The following TMPRSS6 variants were observed in gnomAD, a reference collection of about 807,000 sequenced individuals.
The protein encoded by TMPRSS6 is transmembrane protease serine 6.
TMPRSS6 carries 67 observed loss-of-function variants against 101.5 expected under a neutral mutation model. The observed-to-expected ratio is 0.66, with a 90% CI of 0.54 to 0.81. The LOEUF (loss-of-function observed/expected upper bound fraction) is 0.81. TMPRSS6 is among the 30% of genes least tolerant of loss of function. TMPRSS6 has a pLI of 0.00. For missense variants in TMPRSS6, 1,034 were observed against 1,088.7 expected, an observed-to-expected ratio of 0.95 and a Z score of 0.71; for synonymous variants, 453 against 464.9, an observed-to-expected ratio of 0.97 and a Z score of 0.33.
rs577130562 is a variant in TMPRSS6 at position 37,107,639 on chromosome 22, G to A, written c.-2+1864C>T. Among the ~76,000 whole-genome samples, 20 of 152,028 alleles carry A rather than the reference G, an allele frequency of 1.3e-4. No individual in the cohort carries two copies. In the East Asian group the frequency reaches 1.6e-3, roughly 12 times the overall value. ...TGTGCCCTGCCCACAAGCCTCGCAC[G>A]GCTTCCATCCACCTAGAACACAGTC... is the stretch of plus-strand genomic sequence containing the variant. On this transcript the variant is annotated intron_variant, in intron 1 of 17. Coordinates refer to ENST00000676104, the MANE Select transcript of TMPRSS6 (RefSeq NM_001374504.1).
chr22:37,104,850 A>G (rs1930611306), intron 1 of TMPRSS6, among the ~76,000 whole-genome samples: 1 of 151,762 alleles, frequency 6.6e-6, no homozygotes, highest in African/African-American at 2.4e-5. Context: ...AATCCCAGCT[A>G]CTCGGGAGGC....
At chr22:37,097,417 G>A (rs1026216222) in intron 3 of TMPRSS6, among the ~76,000 whole-genome samples, 1 of 152,236 alleles carries the variant, frequency 6.6e-6, no homozygotes, top group Non-Finnish European at 1.5e-5. Context: ...GAGCTCAGCC[G>A]AATAGGGCAT....
Position 37,069,099 on chromosome 22 carries a change from G to A in TMPRSS6, c.2087C>T (p.Thr696Met), listed in dbSNP as rs1176017770. 3.2e-6 allele frequency: 5 copies of A among 1,552,082 alleles called. No individual in the cohort carries two copies. In the Admixed American group the frequency reaches 5.7e-5, roughly 18 times the overall value. Residue 696 changes from threonine to methionine, a missense_variant, in exon 16 of 18, where the codon ACG (threonine) becomes ATG (methionine). Thr to Met is a moderately conservative substitution (Grantham distance 81). Coordinates refer to ENST00000676104, the MANE Select transcript of TMPRSS6 (RefSeq NM_001374504.1). This position sits in a 1 kb window ranked among gnomAD's most constrained non-coding sequence, Gnocchi z 4.8. ...FFEPGLHCWI[T>M]GWGALREGGP... ...GCCCTCGCGCAAGGCGCCCCAGCCC[G>A]TAATCCAGCAGTGCAGGCCGGGCTC...
chr22:37,083,562 G>C (rs1003055116), intron 10 of TMPRSS6, among the ~76,000 whole-genome samples: 26 of 152,246 alleles, frequency 1.7e-4, no homozygotes, highest in African/African-American at 6.0e-4. Flanking sequence ...CTGCCTCCTT[G>C]CCCAGCCCAG....
rs1601548452 is a variant in TMPRSS6, at chr22:37,086,362, G to C, written c.894C>G (p.Ile298Met). Residue 298 changes from isoleucine to methionine, a missense_variant, in exon 8 of 18, where the codon ATC becomes ATG. Coordinates refer to ENST00000676104, the MANE Select transcript of TMPRSS6 (RefSeq NM_001374504.1). ...GGCCCTTCTTCCAGACGACCGCCATGATGGCCCCCGACGCCAGAACCTCCA... is the reference window on the plus strand; with the variant it reads ...GGCCCTTCTTCCAGACGACCGCCATCATGGCCCCCGACGCCAGAACCTCCA... ...PVVEVLASGA[I>M]MAVVWKKGLH... is the part of the protein sequence containing the mutation. 6 of 1,612,358 alleles carry C rather than the reference G, an allele frequency of 3.7e-6. No individual in the cohort carries two copies. Among genetic ancestry groups the C allele is most frequent in the East Asian group, 4.5e-5 (2 of 44,826 alleles).
intron 10 of TMPRSS6, among the ~76,000 whole-genome samples, chr22:37,076,971 G>A (rs938593672): frequency 6.6e-6 from 1 of 152,222 alleles, no homozygotes. Flanking sequence ...CAAGGGCCAG[G>A]CACTTCCCCA....
At chr22:37,068,672 G>A (rs1926561137) in intron 16 of TMPRSS6, 2 of 779,580 alleles carry the variant, frequency 2.6e-6, no homozygotes, top group South Asian at 1.3e-5. Context: ...CACAGCATCC[G>A]CCCGTAGGGC....
chr22:37,078,585 C>A (rs926789449), intron 10 of TMPRSS6, among the ~76,000 whole-genome samples: 1 of 152,030 alleles, frequency 6.6e-6, no homozygotes, highest in African/African-American at 2.4e-5. Flanking sequence ...AGTCACTCAG[C>A]GTAAAGACAA....
At chr22:37,077,989 A>C (rs1927823453) in intron 10 of TMPRSS6, among the ~76,000 whole-genome samples, 2 of 152,196 alleles carry the variant, frequency 1.3e-5, no homozygotes, top group South Asian at 4.1e-4. Flanking sequence ...GGCGCCCCTG[A>C]GCAAGCCTGG....
intron 7 of TMPRSS6, 30 bp downstream of exon 7, chr22:37,089,548 T>TCCCTCCCC: frequency 2.2e-5 from 19 of 875,022 alleles, no homozygotes; most frequent in South Asian, 1.0e-4. Flanking sequence ...TTTCCAGCCC[T>TCCCTCCCC]CCCTCCTGCC....
intron 1 of TMPRSS6, among the ~76,000 whole-genome samples, chr22:37,107,097 C>T (rs1930761468): frequency 6.6e-6 from 1 of 152,260 alleles, no homozygotes; most frequent in South Asian, 2.1e-4. Context: ...ATGAAACTGC[C>T]AAGTCTCTAG....
chr22:37,090,258 C>A (rs1929150360), intron 6 of TMPRSS6, among the ~76,000 whole-genome samples: 1 of 152,220 alleles, frequency 6.6e-6, no homozygotes, highest in African/African-American at 2.4e-5. Context: ...GGCAGGGAGG[C>A]CTGGCCCAGG....
At chr22:37,071,616 C>A (rs1319203399) in intron 13 of TMPRSS6, among the ~76,000 whole-genome samples, 1 of 152,244 alleles carries the variant, frequency 6.6e-6, no homozygotes, top group Non-Finnish European at 1.5e-5. Context: ...AACAGATGAG[C>A]CTTGGAAGGC....
Position 37,103,758 on chromosome 22 carries a change from T to A in TMPRSS6, c.-1-340A>T. ...TAGAGGCTGCACCCACAGACAGAAC[T>A]GAAGTACATGGGGTGCAGACTTCTG... On this transcript the variant is annotated intron_variant, in intron 1 of 17. Coordinates refer to ENST00000676104, the MANE Select transcript of TMPRSS6 (RefSeq NM_001374504.1). The surrounding 1 kb of genome is among the most constrained non-coding windows in gnomAD (Gnocchi z 4.4). 1.5e-6 allele frequency: 1 copy of A among 655,766 alleles called. No individual in the cohort carries two copies. The highest frequency in any genetic ancestry group is 2.7e-6 in the Non-Finnish European group (1 of 367,438). The allele number at this position is 655,766 out of a possible 1,614,324, so 40.6% of individuals were successfully genotyped here.
chr22:37,068,322 C>T (rs1926527903), intron 16 of TMPRSS6, among the ~76,000 whole-genome samples: 1 of 152,262 alleles, frequency 6.6e-6, no homozygotes, highest in Non-Finnish European at 1.5e-5. Flanking sequence ...TTCCTCTGAG[C>T]CTCAGTTTCC....
intron 2 of TMPRSS6, among the ~76,000 whole-genome samples, chr22:37,100,526 G>A (rs1478069318): frequency 1.3e-5 from 2 of 152,190 alleles, no homozygotes; most frequent in African/African-American, 2.4e-5. Flanking sequence ...CTGGCAAAGT[G>A]GGGCTGGGTG....
At chr22:37,086,253 C>A in intron 8 of TMPRSS6, 30 bp downstream of exon 8, 1 of 1,614,062 alleles carries the variant, frequency 6.2e-7, no homozygotes, top group Middle Eastern at 1.7e-4. Context: ...CACCACCCCT[C>A]CCCTGCCCCA....
chr22:37,076,976 T>TC (rs1250824633), intron 10 of TMPRSS6, among the ~76,000 whole-genome samples: 1 of 152,172 alleles, frequency 6.6e-6, no homozygotes, highest in Non-Finnish European at 1.5e-5. Flanking sequence ...GCCAGGCACT[T>TC]CCCCAGAACT....
At position 37,070,615 on chromosome 22, in the gene TMPRSS6, A is replaced by G; in HGVS notation, c.1710T>C (p.Gly570=). Residue 570 remains glycine (G), a synonymous_variant, in exon 15 of 18, where the codon GGT becomes GGC. Coordinates refer to ENST00000676104, the MANE Select transcript of TMPRSS6 (RefSeq NM_001374504.1). ...ACTCACCCTCGGAGGACACAGCTCC[A>G]CCAACAATGCGGCTGGAGGGGCCCT... is the stretch of plus-strand genomic sequence containing the variant. The part of the protein sequence containing the change: ...GLQGPSSRIV[G]GAVSSEGEWP... The G allele has an allele frequency of 1.2e-6, 2 of 1,613,066 alleles. No individual in the cohort carries two copies. Among genetic ancestry groups the G allele is most frequent in the South Asian group, 2.2e-5 (2 of 91,086 alleles).
Sources: gnomAD v4.1 joint callset for allele counts (sites outside exome capture counted in the v4.1 genomes callset) on GRCh38, gnomAD v4.1.1 for gene constraint, Gnocchi (gnomAD v3.1) non-coding constraint, MANE v1.5 for transcripts, NCBI Gene and HGNC (gene_info 2026-07-23, HGNC 2026-07-21) for gene names.